The following PPT2 variants were observed in gnomAD, a reference collection of about 807,000 sequenced individuals.
The protein encoded by PPT2 is lysosomal thioesterase PPT2.
In PPT2, 20 loss-of-function variants were observed where a neutral mutation model predicts 37.3. The ratio of observed to expected loss-of-function variants is 0.54; its 90% CI spans 0.38 to 0.78. The LOEUF is 0.78. PPT2 is among the 30% of genes least tolerant of loss of function. PPT2 has a pLI of 0.00. For synonymous variants in PPT2, 135 were observed against 159.1 expected, an observed-to-expected ratio of 0.85 and a Z score of 1.14; for missense variants, 270 against 389.8, an observed-to-expected ratio of 0.69 and a Z score of 2.59.
upstream of PPT2, chr6:32,153,694 C>T: frequency 6.4e-7 from 1 of 1,558,726 alleles, no homozygotes; most frequent in Non-Finnish European, 8.7e-7. The surrounding 1 kb of genome is among the most constrained non-coding windows in gnomAD (Gnocchi z 4.4). Flanking sequence ...TTGAGGGGCA[C>T]GCCCGGGCTG....
At chr6:32,157,045 T>C (rs1446251390) in intron 5 of PPT2, 1 of 152,118 alleles carries the variant, frequency 6.6e-6, no homozygotes, top group African/African-American at 2.4e-5. Flanking sequence ...TAGCTGAATG[T>C]GGGCACACGC....
Position 32,155,290 on chromosome 6 carries a change from C to A in PPT2, c.337+107C>A. On this transcript the variant is annotated intron_variant, in intron 3 of 8. Coordinates refer to ENST00000324816, the MANE Select transcript of PPT2 (RefSeq NM_005155.7). The surrounding 1 kb of genome is among the most constrained non-coding windows in gnomAD (Gnocchi z 4.3). ...TTTCTGAACCACATTGCTCCAGGCA[C>A]AACCCTGGTACCTGAGCCCTTCCTT... 7.6e-7 allele frequency: 1 copy of A among 1,323,368 alleles called. No homozygotes were observed. The highest frequency in any genetic ancestry group is 1.1e-6 in the Non-Finnish European group (1 of 950,362). The allele number at this position is 1,323,368 out of a possible 1,614,324, so 82.0% of individuals were successfully genotyped here.
chr6:32,163,112 GA>G lies in PPT2; in HGVS notation c.*164del. The G allele has an allele frequency of 2.6e-6, 2 of 776,984 alleles. No homozygotes were observed. The highest frequency in any genetic ancestry group is 4.0e-6 in the Non-Finnish European group (2 of 495,578). 48.1% of individuals were successfully genotyped at this position (776,984 alleles called of 1,614,324 possible). A position where few individuals can be genotyped will look rare whatever the true frequency, so the allele number is the denominator to read the frequency against. On this transcript the variant is annotated 3_prime_UTR_variant, in exon 9 of 9. Transcript: ENST00000324816. The stretch of plus-strand genomic sequence containing the variant: ...GTTTTAGTAGAGACTTGGCCTCCCA[GA>G]ACCCCCTTCCTCTGCTCCTCCATGA...
chr6:32,154,185 G>C lies in PPT2; in HGVS notation c.-228G>C. Reference sequence around the variant, plus strand: ...TTTCCTCACCCTTCCCCCCGCCACCGTGGGTTCCAGACTTGGGATAAGTAA... The same window carrying C: ...TTTCCTCACCCTTCCCCCCGCCACCCTGGGTTCCAGACTTGGGATAAGTAA... On this transcript the variant is annotated 5_prime_UTR_variant, in exon 1 of 9. Transcript: ENST00000324816. This position sits in a 1 kb window ranked among gnomAD's most constrained non-coding sequence, Gnocchi z 7.3. The C allele has an allele frequency of 1.8e-6, 2 of 1,103,800 alleles. No individual in the cohort carries two copies. Among genetic ancestry groups the C allele is most frequent in the Non-Finnish European group, 2.2e-6 (2 of 904,932 alleles). The allele number at this position is 1,103,800 out of a possible 1,614,324, so 68.4% of individuals were successfully genotyped here.
intron 5 of PPT2, chr6:32,157,248 T>C: frequency 4.2e-6 from 1 of 237,906 alleles, no homozygotes. Context: ...TGAGATGGAG[T>C]CTCACTGTGT....
chr6:32,161,376 G>A (rs1708065684), intron 7 of PPT2, among the ~76,000 whole-genome samples: 1 of 151,514 alleles, frequency 6.6e-6, no homozygotes, highest in Non-Finnish European at 1.5e-5. Flanking sequence ...TGCAACCTCC[G>A]CCTGCCAGGT....
rs866954346 is a variant in PPT2, at chr6:32,155,034, AC to A, written c.192del (p.Thr66LeufsTer3). On this transcript the variant is annotated frameshift_variant, in exon 3 of 9. Transcript: ENST00000324816. LOFTEE classifies it high-confidence loss of function. This position sits in a 1 kb window ranked among gnomAD's most constrained non-coding sequence, Gnocchi z 4.3. The stretch of plus-strand genomic sequence containing the variant: ...TGCATTGCCCCCTTCCCACAGACAC[AC>A]CCCGGGACTGTGGTGACAGTGCTCG... Reference protein sequence around the residue: ...RHLLEYINETHPGTVVTVLDL... With the variant: ...RHLLEYINETXPGTVVTVLDL... 2.5e-6 allele frequency: 4 copies of A among 1,612,596 alleles called. No individual in the cohort carries two copies. The highest frequency in any genetic ancestry group is 2.7e-5 in the African/African-American group (2 of 74,832).
At position 32,155,794 on chromosome 6, in the gene PPT2, A is replaced by G; in HGVS notation, c.433+11A>G. On this transcript the variant is annotated intron_variant, in intron 4 of 8. Transcript: ENST00000324816. The surrounding 1 kb of genome is among the most constrained non-coding windows in gnomAD (Gnocchi z 4.3). ...TGGGACAGTATGGAGGTGAGTGGGC[A>G]CTAGACTCCATAGAATGCCCTGAGT... The G allele has an allele frequency of 6.2e-7, 1 of 1,612,240 alleles. No individual in the cohort carries two copies. The highest frequency in any genetic ancestry group is 1.3e-5 in the African/African-American group (1 of 74,982).
At chr6:32,158,561 G>A (rs1319387911) in intron 7 of PPT2, among the ~76,000 whole-genome samples, 1 of 152,166 alleles carries the variant, frequency 6.6e-6, no homozygotes, top group African/African-American at 2.4e-5. Context: ...TGGGCCCTAG[G>A]GATGCAGTGG....
chr6:32,162,842 A>C lies in PPT2; in HGVS notation c.801A>C (p.Leu267=). ...GGGATTCTTTTGGGTTGAAGACTCTATTGGCCCGGGGGGCCATAGTGAGGT... is the reference window on the plus strand; with the variant it reads ...GGGATTCTTTTGGGTTGAAGACTCTCTTGGCCCGGGGGGCCATAGTGAGGT... ...YLRDSFGLKT[L]LARGAIVRCP... The change falls in exon 9 of 9, where the codon CTA becomes CTC. Residue 267 remains leucine (L), a synonymous_variant. Transcript: ENST00000324816. This position sits in a 1 kb window ranked among gnomAD's most constrained non-coding sequence, Gnocchi z 5.5. 6.2e-7 allele frequency: 1 copy of C among 1,613,874 alleles called. No homozygotes were observed. Among genetic ancestry groups the C allele is most frequent in the Non-Finnish European group, 8.5e-7 (1 of 1,179,858 alleles).
chr6:32,163,201 C>T lies in PPT2; in HGVS notation c.*251C>T. The T allele has an allele frequency of 2.1e-6, 1 of 484,580 alleles. No homozygotes were observed. Among genetic ancestry groups the T allele is most frequent in the Non-Finnish European group, 3.6e-6 (1 of 277,638 alleles). The allele number at this position is 484,580 out of a possible 1,614,324, so 30.0% of individuals were successfully genotyped here. On this transcript the variant is annotated 3_prime_UTR_variant, in exon 9 of 9. Coordinates refer to ENST00000324816, the MANE Select transcript of PPT2 (RefSeq NM_005155.7). ...ATTTGGGGGATTGCTCCGTGCTGTC[C>T]CTTTCTCTCAAGGCCGAAGTTGGGA... is the stretch of plus-strand genomic sequence containing the variant.
chr6:32,159,472 A>ATC (rs41315423), intron 7 of PPT2, among the ~76,000 whole-genome samples: 37 of 127,544 alleles, frequency 2.9e-4, no homozygotes, highest in East Asian at 2.8e-3. Context: ...ATATATATAT[A>ATC]TCCTCATCCC....
rs761611433 is a variant in PPT2 at position 32,155,065 on chromosome 6, C to T, written c.219C>T (p.Leu73=). 62 of 1,613,064 alleles carry T rather than the reference C, an allele frequency of 3.8e-5. No homozygotes were observed. Among genetic ancestry groups the T allele is most frequent in the Non-Finnish European group, 1.2e-5 (14 of 1,180,026 alleles). The change falls in exon 3 of 9, where the codon CTC becomes CTT. Residue 73 remains leucine, a synonymous_variant. Coordinates refer to ENST00000324816, the MANE Select transcript of PPT2 (RefSeq NM_005155.7). This position sits in a 1 kb window ranked among gnomAD's most constrained non-coding sequence, Gnocchi z 4.3. ...HPGTVVTVLD[L]FDGRESLRPL... The stretch of plus-strand genomic sequence containing the variant: ...GGACTGTGGTGACAGTGCTCGATCT[C>T]TTCGATGGGAGAGAGAGCTTGCGAC...
In PPT2 at chr6:32,162,981, C is replaced by G. The variant is rs375540135; in HGVS notation, c.*31C>G. ...TATTCAGGGGTCCCCAGGAACTCCT[C>G]GGTCCAGAGACCAAGTGGTGGCCTT... is the stretch of plus-strand genomic sequence containing the variant. On this transcript the variant is annotated 3_prime_UTR_variant, in exon 9 of 9. Coordinates refer to ENST00000324816, the MANE Select transcript of PPT2 (RefSeq NM_005155.7). The surrounding 1 kb of genome is among the most constrained non-coding windows in gnomAD (Gnocchi z 5.5). The G allele has an allele frequency of 6.3e-7, 1 of 1,593,210 alleles. No individual in the cohort carries two copies. Among genetic ancestry groups the G allele is most frequent in the Admixed American group, 1.7e-5 (1 of 57,426 alleles).
Position 32,163,014 on chromosome 6 carries a change from AGAT to A in PPT2, c.*66_*68del. 6.6e-7 allele frequency: 1 copy of A among 1,512,666 alleles called. No individual in the cohort carries two copies. The highest frequency in any genetic ancestry group is 9.0e-7 in the Non-Finnish European group (1 of 1,112,956). The allele number at this position is 1,512,666 out of a possible 1,614,324, so 93.7% of individuals were successfully genotyped here. A position where few individuals can be genotyped will look rare whatever the true frequency, so the allele number is the denominator to read the frequency against. On this transcript the variant is annotated 3_prime_UTR_variant, in exon 9 of 9. Coordinates refer to ENST00000324816, the MANE Select transcript of PPT2 (RefSeq NM_005155.7). ...AGACCAAGTGGTGGCCTTGGAAAGC[AGAT>A]GTCAGGCTTTGGTGTGCCTGTGACC...
At chr6:32,159,452 AT>A (rs67072941) in intron 7 of PPT2, among the ~76,000 whole-genome samples, 1,570 of 107,222 alleles carry the variant, frequency 0.015, 35 homozygotes, top group African/African-American at 0.04. Context: ...AAAAAAAAAA[AT>A]ATATATATAT....
At chr6:32,154,047 G>C, upstream of PPT2, 1 of 1,131,336 alleles carries the variant, frequency 8.8e-7, no homozygotes, top group Non-Finnish European at 1.1e-6. This position sits in a 1 kb window ranked among gnomAD's most constrained non-coding sequence, Gnocchi z 7.3. Flanking sequence ...TCCTGGGTCT[G>C]TGTTGCGGGG....
chr6:32,155,497 T>C lies in PPT2; in HGVS notation c.338-191T>C, dbSNP rs1323401281. On this transcript the variant is annotated intron_variant, in intron 3 of 8. Coordinates refer to ENST00000324816, the MANE Select transcript of PPT2 (RefSeq NM_005155.7). This position sits in a 1 kb window ranked among gnomAD's most constrained non-coding sequence, Gnocchi z 4.3. The stretch of plus-strand genomic sequence containing the variant: ...CATCTAATTCGGGCTCAGTCACTTA[T>C]ATGATGTGTGACCTTTTGGCACAGG... 6.6e-6 allele frequency among the ~76,000 whole-genome samples: 1 copy of C among 152,084 alleles called. No individual in the cohort carries two copies. Among genetic ancestry groups the C allele is most frequent in the Non-Finnish European group, 1.5e-5 (1 of 68,032 alleles).
In PPT2 at chr6:32,155,582, CTCTGTG is replaced by C. The variant is rs1296635278; in HGVS notation, c.338-104_338-99del. 1.4e-5 allele frequency: 9 copies of C among 652,914 alleles called. No homozygotes were observed. The African/African-American group carries it at 2.3e-4, about 17-fold the overall frequency. 40.4% of individuals were successfully genotyped at this position (652,914 alleles called of 1,614,324 possible). On this transcript the variant is annotated intron_variant, in intron 3 of 8. Coordinates refer to ENST00000324816, the MANE Select transcript of PPT2 (RefSeq NM_005155.7). This position sits in a 1 kb window ranked among gnomAD's most constrained non-coding sequence, Gnocchi z 4.3. ...GTGTACAGTGTGTGTCTGTGTGTGT[CTCTGTG>C]TGTGTGTGTGTGTGTGTGTGTGTGT...
Sources: allele counts gnomAD v4.1 joint callset (sites outside exome capture counted in the v4.1 genomes callset), GRCh38; gene constraint gnomAD v4.1.1; non-coding constraint Gnocchi (gnomAD v3.1); transcripts MANE v1.5; gene names NCBI Gene and HGNC (gene_info 2026-07-23, HGNC 2026-07-21).